Variants in NRG2 observed in about 807,000 individuals in gnomAD.
NRG2 encodes pro-neuregulin-2, membrane-bound isoform.
In NRG2, 27 loss-of-function variants were observed where a neutral mutation model predicts 73.9. That is an observed-to-expected ratio of 0.37 (90% CI 0.27 to 0.50). The LOEUF (loss-of-function observed/expected upper bound fraction) is 0.50, where lower values mean the gene tolerates loss of function less well. NRG2 is among the 20% of genes least tolerant of loss of function. NRG2 has a pLI of 0.96. For missense variants in NRG2, 1,126 were observed against 1,210.1 expected (o/e 0.93, Z 1.03); for synonymous variants, 532 against 541.0 (o/e 0.98, Z 0.23).
chr5:139,928,328 C>T (rs546162203), intron 1 of NRG2, among the ~76,000 whole-genome samples: 4 of 152,286 alleles, frequency 2.6e-5, no homozygotes, highest in African/African-American at 4.8e-5. Flanking sequence ...AGTGTGTCAC[C>T]TTCTTCCTGA....
At chr5:139,998,735 AAAAC>A (rs770300425) in intron 1 of NRG2, among the ~76,000 whole-genome samples, 14 of 136,728 alleles carry the variant, frequency 1.0e-4, no homozygotes, top group South Asian at 2.5e-4. Context: ...TAATTGGCTA[AAAAC>A]AAACAAACAA....
At chr5:139,942,181 C>T (rs1015957393) in intron 1 of NRG2, among the ~76,000 whole-genome samples, 1 of 152,134 alleles carries the variant, frequency 6.6e-6, no homozygotes, top group Admixed American at 6.5e-5. Context: ...ACATCTTTAG[C>T]TCTTATTTCA....
chr5:139,932,199 G>T (rs1752510166), intron 1 of NRG2, among the ~76,000 whole-genome samples: 1 of 150,938 alleles, frequency 6.6e-6, no homozygotes, highest in African/African-American at 2.4e-5. Context: ...CCCATAGATG[G>T]ATGAATGGAT....
chr5:139,904,280 G>A lies in NRG2; in HGVS notation c.701-16769C>T. 1 of 1,581,756 alleles carries A rather than the reference G, an allele frequency of 6.3e-7. No homozygotes were observed. The highest frequency in any genetic ancestry group is 1.1e-5 in the South Asian group (1 of 88,460). On this transcript the variant is annotated intron_variant, in intron 1 of 9. Transcript: ENST00000361474. The surrounding 1 kb of genome is among the most constrained non-coding windows in gnomAD (Gnocchi z 6.0). ...GGCAGGTTTCTCCCAGGGAAACCGG[G>A]TTTCTGGGCGCGCGGAGGTGCCCTA...
In NRG2 at chr5:139,848,142, C is replaced by T. The variant is rs1172564004; in HGVS notation, c.2328G>A (p.Ala776=). 1.4e-6 allele frequency: 2 copies of T among 1,462,720 alleles called. No individual in the cohort carries two copies. The highest frequency in any genetic ancestry group is 1.8e-6 in the Non-Finnish European group (2 of 1,114,458). The allele number at this position is 1,462,720 out of a possible 1,614,324, so 90.6% of individuals were successfully genotyped here. ...CCGCGTCGTCCGCGTCGTCGTCCGA[C>T]GCCGAGGCTGAGCCGCCGCCCGAGC... ...SSGSGGGSAS[A]SDDDADDADG... The change falls in exon 10 of 10, where the codon GCG becomes GCA. Residue 776 remains alanine, a synonymous_variant. Transcript: ENST00000361474.
chr5:139,913,697 G>A (rs1751029488), intron 1 of NRG2, among the ~76,000 whole-genome samples: 1 of 152,240 alleles, frequency 6.6e-6, no homozygotes, highest in South Asian at 2.1e-4. Context: ...GGCCATTGCA[G>A]TATACAAAGA....
chr5:139,902,390 C>T (rs1301938576), intron 1 of NRG2, among the ~76,000 whole-genome samples: 1 of 152,196 alleles, frequency 6.6e-6, no homozygotes, highest in Non-Finnish European at 1.5e-5. Context: ...GTACCTCTTC[C>T]TGCTATTTGC....
chr5:139,933,179 G>T (rs888471167), intron 1 of NRG2, among the ~76,000 whole-genome samples: 3 of 152,126 alleles, frequency 2.0e-5, no homozygotes, highest in African/African-American at 7.2e-5. Context: ...GGAGGCTGAG[G>T]CAGGAGAATG....
At chr5:139,907,395 G>A (rs577637009) in intron 1 of NRG2, among the ~76,000 whole-genome samples, 21 of 152,178 alleles carry the variant, frequency 1.4e-4, no homozygotes, top group Admixed American at 9.8e-4. Flanking sequence ...TTCCACCTCC[G>A]TCTCTTCCAC....
At position 140,042,979 on chromosome 5, in the gene NRG2, CGCTGCT is replaced by C. The variant is rs557310960; in HGVS notation, c.85_90del (p.Ser29_Ser30del). On this transcript the variant is annotated inframe_deletion, in exon 1 of 10. Transcript: ENST00000361474. Reference sequence around the variant, plus strand: ...CTGCTGCTGCTGCTGCTGCTCCTCTCGCTGCTGCTGCTGCTGCTGTCGCTGTAGCTG... The same window carrying C: ...CTGCTGCTGCTGCTGCTGCTCCTCTCGCTGCTGCTGCTGTCGCTGTAGCTG... 4 of 1,535,734 alleles carry C rather than the reference CGCTGCT, an allele frequency of 2.6e-6. No homozygotes were observed. Among genetic ancestry groups the C allele is most frequent in the African/African-American group, 1.4e-5 (1 of 73,166 alleles).
In NRG2 at chr5:139,848,410, C is replaced by G. The variant is rs1407967982; in HGVS notation, c.2060G>C (p.Arg687Pro). The part of the protein sequence containing the change: ...YYYPAAGPGP[R>P]RGTCALGGSL... The stretch of plus-strand genomic sequence containing the variant: ...GCCGCCGAGCGCGCAGGTCCCGCGC[C>G]GCGGTCCGGGCCCCGCCGCGGGGTA... Residue 687 changes from arginine to proline, a missense_variant, in exon 10 of 10, where the codon CGG becomes CCG. By Grantham distance (103) the Arg-to-Pro change is moderately radical (BLOSUM62 -2). This residue lies in a region of NRG2 where 402 missense variants were observed against 357.8 expected (regional missense o/e 1.12). Coordinates refer to ENST00000361474, the MANE Select transcript of NRG2 (RefSeq NM_004883.3). 1.6e-6 allele frequency: 2 copies of G among 1,268,598 alleles called. No individual in the cohort carries two copies. The highest frequency in any genetic ancestry group is 4.3e-5 in the Admixed American group (1 of 23,184). The allele number at this position is 1,268,598 out of a possible 1,614,324, so 78.6% of individuals were successfully genotyped here.
At chr5:139,995,552 A>G (rs996056728) in intron 1 of NRG2, among the ~76,000 whole-genome samples, 3 of 152,206 alleles carry the variant, frequency 2.0e-5, no homozygotes, top group Non-Finnish European at 2.9e-5. Context: ...TCTTTAGACC[A>G]GGAGCGGGCA....
intron 1 of NRG2, among the ~76,000 whole-genome samples, chr5:140,001,800 C>T (rs265154): frequency 0.89 from 136,035 of 152,096 alleles, 60,883 homozygotes; most frequent in East Asian, 0.98. Flanking sequence ...GAGTTTGAGG[C>T]TGCAATGAGC....
chr5:139,962,833 T>G (rs6891100), intron 1 of NRG2, among the ~76,000 whole-genome samples: 1 of 152,098 alleles, frequency 6.6e-6, no homozygotes, highest in African/African-American at 2.4e-5. Flanking sequence ...CTCAAGAGGT[T>G]GCCTACTCTG....
At chr5:139,958,559 G>A (rs939045100) in intron 1 of NRG2, among the ~76,000 whole-genome samples, 1 of 152,090 alleles carries the variant, frequency 6.6e-6, no homozygotes, top group Non-Finnish European at 1.5e-5. Context: ...TGTTTGCAAT[G>A]CTTACAAACA....
intron 1 of NRG2, among the ~76,000 whole-genome samples, chr5:139,957,412 A>C (rs1431963296): frequency 6.6e-6 from 1 of 152,020 alleles, no homozygotes; most frequent in African/African-American, 2.4e-5. Context: ...TGCCCTGAAA[A>C]GGGCCCCAGA....
At position 140,042,356 on chromosome 5, in the gene NRG2, A is replaced by G; in HGVS notation, c.700+14T>C. On this transcript the variant is annotated intron_variant, in intron 1 of 9. Transcript: ENST00000361474. ...CCTCCCCCCTTTCTCCAGCAAAGGG[A>G]GGGGGCGACTCACCGCAGTCAGTGC... 1 of 1,392,744 alleles carries G rather than the reference A, an allele frequency of 7.2e-7. No homozygotes were observed. Among genetic ancestry groups the G allele is most frequent in the Non-Finnish European group, 9.6e-7 (1 of 1,045,762 alleles). The allele number at this position is 1,392,744 out of a possible 1,614,324, so 86.3% of individuals were successfully genotyped here.
chr5:139,865,266 G>T lies in NRG2; in HGVS notation c.1189+283C>A. 1 of 1,059,722 alleles carries T rather than the reference G, an allele frequency of 9.4e-7. No individual in the cohort carries two copies. The highest frequency in any genetic ancestry group is 1.5e-6 in the Non-Finnish European group (1 of 684,926). 65.6% of individuals were successfully genotyped at this position (1,059,722 alleles called of 1,614,324 possible). ...GCACGGGCTCCTGCCAATGCCAGCT[G>T]GGTTCCTTGCCACCGTTACCATTTG... On this transcript the variant is annotated intron_variant, in intron 5 of 9. Coordinates refer to ENST00000361474, the MANE Select transcript of NRG2 (RefSeq NM_004883.3). The surrounding 1 kb of genome is among the most constrained non-coding windows in gnomAD (Gnocchi z 5.2).
intron 1 of NRG2, among the ~76,000 whole-genome samples, chr5:139,932,420 T>TA (rs200097326): frequency 0.088 from 12,855 of 145,532 alleles, 674 homozygotes; most frequent in South Asian, 0.24. Context: ...ATTTTTTTTT[T>TA]TAAAAAAAGC....
Sources: gnomAD v4.1 joint callset for allele counts (sites outside exome capture counted in the v4.1 genomes callset) on GRCh38, gnomAD v4.1.1 for gene constraint, gnomAD v4.1.1 regional missense constraint, Gnocchi (gnomAD v3.1) non-coding constraint, MANE v1.5 for transcripts, NCBI Gene and HGNC (gene_info 2026-07-23, HGNC 2026-07-21) for gene names.